Variants in SEC14L5 observed in about 807,000 individuals in gnomAD.
SEC14L5 encodes SEC14 like lipid binding 5, also known as SEC14-like protein 5.
A neutral mutation model predicts 84.6 loss-of-function variants in SEC14L5; 96 were observed. That is an observed-to-expected ratio of 1.13 (90% confidence interval 0.96 to 1.34). The LOEUF is 1.34. SEC14L5 is among the 40% of genes most tolerant of loss of function. SEC14L5 has a pLI of 0.00. For missense variants in SEC14L5, 1,224 were observed against 942.5 expected, an observed-to-expected ratio of 1.30 and a Z score of -3.91; for synonymous variants, 546 against 383.4, an observed-to-expected ratio of 1.42 and a Z score of -4.95.
chr16:5,002,066 A>G (rs764576151), intron 10 of SEC14L5, among the ~76,000 whole-genome samples: 2 of 152,188 alleles, frequency 1.3e-5, no homozygotes, highest in Non-Finnish European at 1.5e-5. Flanking sequence ...CTCTGTTCCC[A>G]GCCTGTAAAG....
In SEC14L5 at chr16:5,015,980, C is replaced by G. The variant is rs935151438; in HGVS notation, c.*1010C>G. The G allele has an allele frequency of 5.3e-5, 8 of 152,206 alleles. No individual in the cohort carries two copies. Among genetic ancestry groups the G allele is most frequent in the African/African-American group, 1.9e-4 (8 of 41,446 alleles). 9.4% of individuals were successfully genotyped at this position (152,206 alleles called of 1,614,324 possible). ...GGAGATGCCTTTCTCTCCTAGGGAA[C>G]TGTTTAATTATGACTGTTTTTGGTT... On this transcript the variant is annotated 3_prime_UTR_variant, in exon 16 of 16. Coordinates refer to ENST00000251170, the MANE Select transcript of SEC14L5 (RefSeq NM_014692.2).
Position 5,005,920 on chromosome 16 carries a change from C to T in SEC14L5, c.1309C>T (p.Pro437Ser), listed in dbSNP as rs1346354675. The T allele has an allele frequency of 1.3e-6, 2 of 1,590,948 alleles. No individual in the cohort carries two copies. Among genetic ancestry groups the T allele is most frequent in the Non-Finnish European group, 1.7e-6 (2 of 1,168,532 alleles). ...CCTTATGTCCTGGTTTCAGATCAGC[C>T]CCTTCATCAATGAGAACACCAGGCG... is the stretch of plus-strand genomic sequence containing the variant. ...VFPVLWTLIS[P>S]FINENTRRKF... Residue 437 changes from proline (P) to serine (S), a missense_variant, in exon 12 of 16, where the codon CCC becomes TCC. Pro to Ser is a moderately conservative substitution (Grantham distance 74). Transcript: ENST00000251170.
chr16:4,968,030 C>G (rs1373043345), intron 2 of SEC14L5, among the ~76,000 whole-genome samples: 1 of 129,638 alleles, frequency 7.7e-6, no homozygotes, highest in East Asian at 2.6e-4. Context: ...TATTATATTT[C>G]TTTTTTGAGA....
At chr16:4,971,937 G>T (rs1568109406) in intron 2 of SEC14L5, among the ~76,000 whole-genome samples, 1 of 152,082 alleles carries the variant, frequency 6.6e-6, no homozygotes, top group Non-Finnish European at 1.5e-5. Flanking sequence ...CATTGAGACT[G>T]TAAACAAACA....
chr16:5,006,295 T>C (rs1955731558), intron 12 of SEC14L5, among the ~76,000 whole-genome samples: 1 of 152,222 alleles, frequency 6.6e-6, no homozygotes, highest in African/African-American at 2.4e-5. Flanking sequence ...GTGAGTGAGA[T>C]AGAAGTTTCT....
intron 2 of SEC14L5, among the ~76,000 whole-genome samples, chr16:4,977,990 C>G (rs1302406383): frequency 6.7e-6 from 1 of 149,078 alleles, no homozygotes; most frequent in Non-Finnish European, 1.5e-5. Context: ...TTAGTAGAGA[C>G]AGGGTTTCAC....
chr16:4,996,783 G>A, intron 7 of SEC14L5, 72 bp from the exon 8 acceptor site: 1 of 1,217,660 alleles, frequency 8.2e-7, no homozygotes, highest in Non-Finnish European at 1.2e-6. Context: ...TGTTGCCCCG[G>A]CTGGTTCTGT....
chr16:5,005,870 A>AAAAC lies in SEC14L5; in HGVS notation c.1303-41_1303-40insCAAA, dbSNP rs771359927. On this transcript the variant is annotated intron_variant, in intron 11 of 15. Coordinates refer to ENST00000251170, the MANE Select transcript of SEC14L5 (RefSeq NM_014692.2). ...CTGAGCAAGACTCCGTCTCAAAAAA[A>AAAAC]AAAAAAAAAAAACCATCCATCTTGC... The AAAAC allele has an allele frequency of 4.0e-6, 6 of 1,491,828 alleles. No homozygotes were observed. In the African/African-American group the frequency reaches 7.2e-5, roughly 18 times the overall value. The allele number at this position is 1,491,828 out of a possible 1,614,324, so 92.4% of individuals were successfully genotyped here. A position where few individuals can be genotyped will look rare whatever the true frequency, so the allele number is the denominator to read the frequency against.
Position 5,016,809 on chromosome 16 carries a change from T to G in SEC14L5, c.*1839T>G, listed in dbSNP as rs1363718151. The G allele has an allele frequency of 6.6e-6, 1 of 152,222 alleles. No individual in the cohort carries two copies. Among genetic ancestry groups the G allele is most frequent in the Non-Finnish European group, 1.5e-5 (1 of 68,040 alleles). 9.4% of individuals were successfully genotyped at this position (152,222 alleles called of 1,614,324 possible). A position where few individuals can be genotyped will look rare whatever the true frequency, so the allele number is the denominator to read the frequency against. On this transcript the variant is annotated 3_prime_UTR_variant, in exon 16 of 16. Coordinates refer to ENST00000251170, the MANE Select transcript of SEC14L5 (RefSeq NM_014692.2). ...TTTTCAGATACATCCTTCTTCCTGC[T>G]GGGAGAGAGCCTTGCCCACCTTCCT...
intron 2 of SEC14L5, among the ~76,000 whole-genome samples, chr16:4,972,806 A>G (rs1596617110): frequency 6.6e-6 from 1 of 152,210 alleles, no homozygotes; most frequent in African/African-American, 2.4e-5. Flanking sequence ...ACATTTGTGT[A>G]CAAATATCTG....
At chr16:4,982,208 G>GC (rs559364877) in intron 2 of SEC14L5, among the ~76,000 whole-genome samples, 48 of 151,018 alleles carry the variant, frequency 3.2e-4, no homozygotes, top group East Asian at 9.8e-4. Flanking sequence ...TTCTTCCTCG[G>GC]CCCCCCCCTC....
At chr16:4,998,340 G>C (rs1955636010) in intron 8 of SEC14L5, among the ~76,000 whole-genome samples, 1 of 151,816 alleles carries the variant, frequency 6.6e-6, no homozygotes, top group Admixed American at 6.6e-5. Context: ...ATGGATATGA[G>C]TTTTGGGACA....
chr16:5,017,451 G>C lies in SEC14L5; in HGVS notation c.*2481G>C, dbSNP rs1388894125. 1 of 152,260 alleles carries C rather than the reference G, an allele frequency of 6.6e-6. No homozygotes were observed. Among genetic ancestry groups the C allele is most frequent in the Non-Finnish European group, 1.5e-5 (1 of 68,090 alleles). 9.4% of individuals were successfully genotyped at this position (152,260 alleles called of 1,614,324 possible). The stretch of plus-strand genomic sequence containing the variant: ...TTGACTCTGCATCTCTTTGCATGCT[G>C]ACCTCATTCTTTCTTCCACCTGGCG... On this transcript the variant is annotated 3_prime_UTR_variant, in exon 16 of 16. Coordinates refer to ENST00000251170, the MANE Select transcript of SEC14L5 (RefSeq NM_014692.2).
intron 2 of SEC14L5, among the ~76,000 whole-genome samples, chr16:4,979,283 T>C (rs1342464670): frequency 3.9e-5 from 6 of 152,204 alleles, no homozygotes; most frequent in African/African-American, 1.4e-4. Context: ...TGTTTGGTTC[T>C]AGAAGCAACA....
At chr16:5,012,717 C>T (rs2142537507) in intron 15 of SEC14L5, among the ~76,000 whole-genome samples, 1 of 152,212 alleles carries the variant, frequency 6.6e-6, no homozygotes, top group African/African-American at 2.4e-5. Flanking sequence ...CCAGCCTAGC[C>T]AACATGGCGA....
intron 1 of SEC14L5, among the ~76,000 whole-genome samples, chr16:4,958,807 G>A (rs369136045): frequency 6.6e-6 from 1 of 152,186 alleles, no homozygotes; most frequent in African/African-American, 2.4e-5. Context: ...GACAGTGCCT[G>A]TGAAATGTGG....
At chr16:4,964,520 G>A (rs1955169660) in intron 2 of SEC14L5, among the ~76,000 whole-genome samples, 1 of 151,942 alleles carries the variant, frequency 6.6e-6, no homozygotes, top group Admixed American at 6.6e-5. Context: ...TGGGAGACAG[G>A]TTGCAGGGAG....
chr16:4,959,986 G>A (rs1322496287), intron 2 of SEC14L5, among the ~76,000 whole-genome samples: 2 of 152,126 alleles, frequency 1.3e-5, no homozygotes, highest in African/African-American at 4.8e-5. Flanking sequence ...CCCCTTTAAG[G>A]AAGCTGACAC....
At chr16:4,994,682 A>G (rs886315286) in intron 6 of SEC14L5, among the ~76,000 whole-genome samples, 1 of 144,382 alleles carries the variant, frequency 6.9e-6, no homozygotes, top group Non-Finnish European at 1.5e-5. Context: ...GTATGTGCAC[A>G]TTTTTTTTTT....
Sources: allele counts gnomAD v4.1 joint callset (sites outside exome capture counted in the v4.1 genomes callset), GRCh38; gene constraint gnomAD v4.1.1; transcripts MANE v1.5; gene names NCBI Gene and HGNC (gene_info 2026-07-23, HGNC 2026-07-21).